Variants in SEMA5A observed in about 807,000 individuals in gnomAD.
SEMA5A encodes the protein semaphorin-5A.
A neutral mutation model predicts 135.5 loss-of-function variants in SEMA5A; 55 were observed. The ratio of observed to expected loss-of-function variants is 0.41; its 90% CI spans 0.33 to 0.51. The LOEUF is 0.51. Ranked by LOEUF, SEMA5A falls within the 20% of genes least tolerant of loss-of-function variation. The pLI, the probability that SEMA5A is intolerant of heterozygous loss-of-function variation, is 0.37. For synonymous variants in SEMA5A, 580 were observed against 546.5 expected (o/e 1.06, Z -0.85); for missense variants, 1,290 against 1,419.9 (o/e 0.91, Z 1.47).
At chr5:9,538,075 G>C (rs973466285) in intron 1 of SEMA5A, among the ~76,000 whole-genome samples, 1 of 152,150 alleles carries the variant, frequency 6.6e-6, no homozygotes, top group African/African-American at 2.4e-5. Flanking sequence ...CAGATGGAAG[G>C]TGCAGTAAAC....
rs1054904732 is a variant in SEMA5A at position 9,204,693 on chromosome 5, G to A, written c.647-2453C>T. Among the ~76,000 whole-genome samples, 1 of 152,136 alleles carries A rather than the reference G, an allele frequency of 6.6e-6. No homozygotes were observed. Among genetic ancestry groups the A allele is most frequent in the African/African-American group, 2.4e-5 (1 of 41,422 alleles). The stretch of plus-strand genomic sequence containing the variant: ...ATAACTAGCAGTGGGGGATGGGGAT[G>A]GAAAGTCCTGAATCCATTAGACCGG... On this transcript the variant is annotated intron_variant, in intron 8 of 22. Coordinates refer to ENST00000382496, the MANE Select transcript of SEMA5A (RefSeq NM_003966.3). The surrounding 1 kb of genome is among the most constrained non-coding windows in gnomAD (Gnocchi z 6.4).
In SEMA5A at chr5:9,108,222, C is replaced by A. The variant is rs199952121; in HGVS notation, c.1991G>T (p.Arg664Leu). ...MFWTGWGPWE[R>L]CTAQCGGGIQ... ...GCCACCCCCGCATTGGGCTGTGCAC[C>A]GTTCCCAAGGACCCCAGCCTGTCCA... is the stretch of plus-strand genomic sequence containing the variant. The change falls in exon 16 of 23, where the codon CGG becomes CTG. Residue 664 changes from arginine to leucine, a missense_variant. Physicochemically the swap from Arg to Leu is moderately radical, Grantham distance 102. Around this residue, in one of 3 missense-constraint regions of SEMA5A, gnomAD observed 1,029 missense variants for 1,086.6 expected, o/e 0.95. Transcript: ENST00000382496. 5.0e-6 allele frequency: 8 copies of A among 1,614,040 alleles called. No individual in the cohort carries two copies. Among genetic ancestry groups the A allele is most frequent in the South Asian group, 1.1e-5 (1 of 91,070 alleles).
At chr5:9,266,084 G>A (rs892020277) in intron 5 of SEMA5A, among the ~76,000 whole-genome samples, 3 of 152,174 alleles carry the variant, frequency 2.0e-5, no homozygotes, top group African/African-American at 7.2e-5. Flanking sequence ...CGTCCTCAAT[G>A]CCGCACTGTA....
intron 3 of SEMA5A, among the ~76,000 whole-genome samples, chr5:9,351,942 C>T (rs1754137100): frequency 6.6e-6 from 1 of 152,196 alleles, no homozygotes; most frequent in African/African-American, 2.4e-5. Context: ...CGCTGCTTTT[C>T]ACTTCTCTCT....
intron 5 of SEMA5A, among the ~76,000 whole-genome samples, chr5:9,297,037 A>C (rs1751370985): frequency 6.6e-6 from 1 of 152,016 alleles, no homozygotes; most frequent in South Asian, 2.1e-4. Flanking sequence ...CTCAGAGAAG[A>C]AAATCAGCAT....
In SEMA5A at chr5:9,117,960, T is replaced by C. The variant is rs547162841; in HGVS notation, c.1925+1038A>G. Among the ~76,000 whole-genome samples, 8 of 152,228 alleles carry C rather than the reference T, an allele frequency of 5.3e-5. No homozygotes were observed. The East Asian group carries it at 1.4e-3, about 26-fold the overall frequency. The stretch of plus-strand genomic sequence containing the variant: ...TTAGTCAAAAGGAGTGAAATCTTAA[T>C]TGGCAAGTGAGGAACACACTTGAAG... On this transcript the variant is annotated intron_variant, in intron 15 of 22. Coordinates refer to ENST00000382496, the MANE Select transcript of SEMA5A (RefSeq NM_003966.3).
intron 1 of SEMA5A, among the ~76,000 whole-genome samples, chr5:9,544,679 C>A (rs948930093): frequency 3.9e-5 from 6 of 152,192 alleles, no homozygotes; most frequent in Admixed American, 1.3e-4. Context: ...ACGCCGCAGG[C>A]GCAGGAAAGT....
chr5:9,337,539 A>T (rs1753446242), intron 4 of SEMA5A, among the ~76,000 whole-genome samples, 174 bp downstream of exon 4: 1 of 152,232 alleles, frequency 6.6e-6, no homozygotes, highest in Non-Finnish European at 1.5e-5. Context: ...ACGGGCAGCC[A>T]TCAACATCTT....
rs1165303205 is a variant in SEMA5A, at chr5:9,353,354, G to GAAGGAAAGGAAAGGAAAGGAAAGGA, written c.125-15567_125-15543dup. ...AAAGGAAATGAAAGGAAAGGAAAGGGAAGGAAAGGAAAGGAAAGGAAAGGA... is the reference window on the plus strand; with the variant it reads ...AAAGGAAATGAAAGGAAAGGAAAGGGAAGGAAAGGAAAGGAAAGGAAAGGAAAGGAAAGGAAAGGAAAGGAAAGGA... On this transcript the variant is annotated intron_variant, in intron 3 of 22. Transcript: ENST00000382496. Among the ~76,000 whole-genome samples, 73 of 54,410 alleles carry GAAGGAAAGGAAAGGAAAGGAAAGGA rather than the reference G, an allele frequency of 1.3e-3. 3 individuals are homozygous for GAAGGAAAGGAAAGGAAAGGAAAGGA. The highest frequency in any genetic ancestry group is 4.6e-3 in the African/African-American group (68 of 14,864). 35.7% of individuals were successfully genotyped at this position (54,410 alleles called of 152,430 possible). A position where few individuals can be genotyped will look rare whatever the true frequency, so the allele number is the denominator to read the frequency against.
chr5:9,316,681 T>C (rs186788417), intron 5 of SEMA5A, among the ~76,000 whole-genome samples: 644 of 152,314 alleles, frequency 4.2e-3, no homozygotes, highest in Non-Finnish European at 7.0e-3. Flanking sequence ...ATAAAAATTA[T>C]ATATATTGAT....
chr5:9,340,472 G>C (rs1021214753), intron 3 of SEMA5A, among the ~76,000 whole-genome samples: 1 of 152,128 alleles, frequency 6.6e-6, no homozygotes. Context: ...TTATTTAGAA[G>C]ACTTGGAAGA....
At chr5:9,169,187 CA>C (rs1415854885) in intron 11 of SEMA5A, among the ~76,000 whole-genome samples, 6 of 152,092 alleles carry the variant, frequency 3.9e-5, no homozygotes, top group African/African-American at 1.4e-4. Flanking sequence ...AAAGAAAGAA[CA>C]AAGAAAAGGG....
chr5:9,437,398 C>T (rs970811470), intron 2 of SEMA5A, among the ~76,000 whole-genome samples: 1 of 151,946 alleles, frequency 6.6e-6, no homozygotes, highest in Non-Finnish European at 1.5e-5. Context: ...GCTCTGTTGC[C>T]CAGGCTGGAG....
At chr5:9,359,516 C>A (rs1200527257) in intron 3 of SEMA5A, among the ~76,000 whole-genome samples, 1 of 152,122 alleles carries the variant, frequency 6.6e-6, no homozygotes, top group Non-Finnish European at 1.5e-5. Flanking sequence ...CCTAGCATAA[C>A]CAGACTGAAG....
chr5:9,355,467 T>C (rs1231876392), intron 3 of SEMA5A, among the ~76,000 whole-genome samples: 2 of 152,100 alleles, frequency 1.3e-5, no homozygotes, highest in Non-Finnish European at 2.9e-5. Context: ...TAAGGAAACG[T>C]GAGAAACTGA....
At chr5:9,543,256 C>T (rs1015109181) in intron 1 of SEMA5A, among the ~76,000 whole-genome samples, 1 of 152,102 alleles carries the variant, frequency 6.6e-6, no homozygotes, top group Non-Finnish European at 1.5e-5. Flanking sequence ...ATGGACGGGG[C>T]TTCAGAAGGC....
chr5:9,161,965 C>G (rs1391253805), intron 11 of SEMA5A, among the ~76,000 whole-genome samples: 2 of 152,222 alleles, frequency 1.3e-5, no homozygotes, highest in African/African-American at 4.8e-5. Flanking sequence ...TACCTGGACA[C>G]CTGCTATCAC....
At chr5:9,542,455 G>C (rs12055364) in intron 1 of SEMA5A, among the ~76,000 whole-genome samples, 5,067 of 152,194 alleles carry the variant, frequency 0.033, 156 homozygotes, top group East Asian at 0.17. Flanking sequence ...TAACTTTCTT[G>C]GTATAAATTT....
chr5:9,237,261 T>C (rs894813451), intron 6 of SEMA5A, among the ~76,000 whole-genome samples: 2 of 152,312 alleles, frequency 1.3e-5, no homozygotes, highest in South Asian at 4.1e-4. Context: ...ACGCATCTTT[T>C]TGAGCCAGAG....
Sources: gnomAD v4.1 joint callset for allele counts (sites outside exome capture counted in the v4.1 genomes callset) on GRCh38, gnomAD v4.1.1 for gene constraint, gnomAD v4.1.1 regional missense constraint, Gnocchi (gnomAD v3.1) non-coding constraint, MANE v1.5 for transcripts, NCBI Gene and HGNC (gene_info 2026-07-23, HGNC 2026-07-21) for gene names.